The following EBF2 variants were observed in gnomAD, a reference collection of about 807,000 sequenced individuals.
The protein encoded by EBF2 is EBF transcription factor 2, also known as transcription factor COE2.
A neutral mutation model predicts 72.8 loss-of-function variants in EBF2; 21 were observed. The observed-to-expected ratio is 0.29, with a 90% CI of 0.20 to 0.42. The LOEUF (loss-of-function observed/expected upper bound fraction) is 0.42, where lower values mean the gene tolerates loss of function less well. EBF2 is among the 10% of genes least tolerant of loss of function. The pLI, the probability that EBF2 is intolerant of heterozygous loss-of-function variation, is 1.00. For synonymous variants in EBF2, 299 were observed against 274.2 expected (o/e 1.09, Z -0.89); for missense variants, 637 against 731.2 (o/e 0.87, Z 1.49).
chr8:26,005,833 A>C (rs1283618429), intron 6 of EBF2, among the ~76,000 whole-genome samples: 1 of 144,030 alleles, frequency 6.9e-6, no homozygotes, highest in Non-Finnish European at 1.5e-5. Context: ...CAAGTCTCAA[A>C]AAAAAAAAAA....
At chr8:25,935,912 T>G (rs1803571510) in intron 6 of EBF2, among the ~76,000 whole-genome samples, 1 of 152,206 alleles carries the variant, frequency 6.6e-6, no homozygotes, top group Admixed American at 6.5e-5. Flanking sequence ...TTTCCAAAGT[T>G]GCGACCGGTG....
intron 6 of EBF2, among the ~76,000 whole-genome samples, chr8:25,955,601 C>A (rs1427334066): frequency 6.6e-6 from 1 of 151,996 alleles, no homozygotes; most frequent in African/African-American, 2.4e-5. Context: ...ATTTTCTATA[C>A]TTTTATATAG....
intron 10 of EBF2, among the ~76,000 whole-genome samples, chr8:25,880,791 T>G (rs551346352): frequency 6.6e-6 from 1 of 152,322 alleles, no homozygotes; most frequent in African/African-American, 2.4e-5. Context: ...GTTAAATGTA[T>G]TCATTAATCG....
intron 6 of EBF2, among the ~76,000 whole-genome samples, chr8:26,001,283 G>A (rs1389338920): frequency 6.6e-6 from 1 of 152,040 alleles, no homozygotes; most frequent in Non-Finnish European, 1.5e-5. Flanking sequence ...AGTTAAGAGA[G>A]GAGGAAGTGA....
chr8:25,911,615 C>T (rs965042237), intron 6 of EBF2, among the ~76,000 whole-genome samples: 1 of 152,156 alleles, frequency 6.6e-6, no homozygotes, highest in Non-Finnish European at 1.5e-5. Flanking sequence ...TCTCTCTTAA[C>T]GAAGGAGTTG....
At chr8:25,855,583 T>TAA (rs372990175) in intron 14 of EBF2, among the ~76,000 whole-genome samples, 1 of 151,964 alleles carries the variant, frequency 6.6e-6, no homozygotes, top group African/African-American at 2.4e-5. Flanking sequence ...AGATGCATTT[T>TAA]AAAAAAAATC....
At chr8:25,973,854 T>C (rs2117191833) in intron 6 of EBF2, among the ~76,000 whole-genome samples, 1 of 152,194 alleles carries the variant, frequency 6.6e-6, no homozygotes, top group South Asian at 2.1e-4. Flanking sequence ...TTTTGTATTA[T>C]TTATAAAGAC....
At chr8:25,940,629 A>T (rs887977867) in intron 6 of EBF2, among the ~76,000 whole-genome samples, 3 of 150,452 alleles carry the variant, frequency 2.0e-5, no homozygotes, top group African/African-American at 5.0e-5. Context: ...ATTAAAAAAA[A>T]AAATAAAAAA....
chr8:25,938,635 G>A (rs969415243), intron 6 of EBF2, among the ~76,000 whole-genome samples: 6 of 152,222 alleles, frequency 3.9e-5, no homozygotes, highest in East Asian at 3.9e-4. Context: ...GGATGGAAGG[G>A]ACCACTGTTT....
intron 6 of EBF2, among the ~76,000 whole-genome samples, chr8:25,939,242 T>C (rs1331769175): frequency 7.9e-5 from 12 of 152,248 alleles, no homozygotes; most frequent in Non-Finnish European, 1.6e-4. Context: ...TTGAGAACAT[T>C]GCTTTAAAAC....
Position 26,041,061 on chromosome 8 carries a change from G to C in EBF2, c.289-59C>G, listed in dbSNP as rs1805591735. Reference sequence around the variant, plus strand: ...TTTCAGCCCCCCAAAATGAGGGAAAGAGGAGACAGTGAATCCCCACCTCAC... The same window carrying C: ...TTTCAGCCCCCCAAAATGAGGGAAACAGGAGACAGTGAATCCCCACCTCAC... On this transcript the variant is annotated intron_variant, in intron 2 of 15. Coordinates refer to ENST00000520164, the MANE Select transcript of EBF2 (RefSeq NM_022659.4). 5.0e-6 allele frequency: 8 copies of C among 1,592,370 alleles called. No homozygotes were observed. In the Admixed American group the frequency reaches 1.0e-4, roughly 20 times the overall value.
chr8:25,951,058 A>G (rs1209065332), intron 6 of EBF2, among the ~76,000 whole-genome samples: 1 of 152,182 alleles, frequency 6.6e-6, no homozygotes, highest in East Asian at 1.9e-4. Context: ...TCAAAAATAG[A>G]TGCTGCTTCC....
chr8:25,886,281 C>A lies in EBF2; in HGVS notation c.1009+474G>T, dbSNP rs548958427. Among the ~76,000 whole-genome samples, 7 of 152,286 alleles carry A rather than the reference C, an allele frequency of 4.6e-5. No homozygotes were observed. The South Asian group carries it at 1.4e-3, about 32-fold the overall frequency. ...ATCATGTCTTACGTGTCATCCATAC[C>A]CTTCTCTTAGAAAAAGCAGTTGATA... On this transcript the variant is annotated intron_variant, in intron 10 of 15. Coordinates refer to ENST00000520164, the MANE Select transcript of EBF2 (RefSeq NM_022659.4).
chr8:25,861,308 C>T lies in EBF2; in HGVS notation c.1164+1G>A. ...TAAAGGATAGGATGTCAGTATCTCA[C>T]CTGGTTATTGTGTGGTGTGCCATAA... On this transcript the variant is annotated splice_donor_variant, in intron 12 of 15. Transcript: ENST00000520164. LOFTEE classifies it high-confidence loss of function. The T allele has an allele frequency of 6.2e-7, 1 of 1,614,132 alleles. No homozygotes were observed. The highest frequency in any genetic ancestry group is 8.5e-7 in the Non-Finnish European group (1 of 1,180,032).
At chr8:25,909,320 T>C (rs11135902) in intron 6 of EBF2, among the ~76,000 whole-genome samples, 66,973 of 151,886 alleles carry the variant, frequency 0.44, 16,442 homozygotes, top group East Asian at 0.72. Context: ...AGTGGCCTTT[T>C]CAGCAACTCA....
intron 6 of EBF2, among the ~76,000 whole-genome samples, chr8:25,966,872 G>T (rs1007517547): frequency 1.3e-5 from 2 of 152,192 alleles, no homozygotes; most frequent in Non-Finnish European, 2.9e-5. Flanking sequence ...AACAAGCTGT[G>T]GTGCCCTTCC....
At chr8:25,932,697 T>C (rs1239360456) in intron 6 of EBF2, among the ~76,000 whole-genome samples, 1 of 152,222 alleles carries the variant, frequency 6.6e-6, no homozygotes, top group African/African-American at 2.4e-5. Context: ...GGAACAGGTT[T>C]GCCGCTAATT....
chr8:25,873,582 G>T (rs902927197), intron 10 of EBF2, among the ~76,000 whole-genome samples: 1 of 152,176 alleles, frequency 6.6e-6, no homozygotes, highest in Non-Finnish European at 1.5e-5. Flanking sequence ...ACAGGAACAA[G>T]AATACGAGGA....
chr8:26,041,063 GGA>G (rs1400209703), intron 2 of EBF2, 61 bp from the exon 3 acceptor site: 1 of 1,586,766 alleles, frequency 6.3e-7, no homozygotes, highest in African/African-American at 1.3e-5. Context: ...GAGGGAAAGA[GGA>G]GACAGTGAAT....
Sources: allele counts gnomAD v4.1 joint callset (sites outside exome capture counted in the v4.1 genomes callset), GRCh38; gene constraint gnomAD v4.1.1; transcripts MANE v1.5; gene names NCBI Gene and HGNC (gene_info 2026-07-23, HGNC 2026-07-21).